Variants in PMPCB observed in about 807,000 individuals in gnomAD.
The protein encoded by PMPCB is peptidase, mitochondrial processing subunit beta, also known as mitochondrial-processing peptidase subunit beta.
PMPCB carries 46 observed loss-of-function variants against 61.5 expected under a neutral mutation model. The ratio of observed to expected loss-of-function variants is 0.75; its 90% CI spans 0.59 to 0.96. PMPCB has a LOEUF of 0.96. Ranked by LOEUF, PMPCB falls within the 40% of genes least tolerant of loss-of-function variation. PMPCB has a pLI of 0.00. For synonymous variants in PMPCB, 191 were observed against 201.6 expected (o/e 0.95, Z 0.44); for missense variants, 590 against 602.4 (o/e 0.98, Z 0.22).
the PMPCB span, chr7:103,344,176 T>A: frequency 4.4e-6 from 1 of 227,778 alleles, no homozygotes; most frequent in African/African-American, 2.3e-5. Context: ...AGAGCGCCAG[T>A]AGCAAAGCTT....
rs948064338 is a variant in PMPCB, at chr7:103,313,005, T to C, written c.*734T>C. The C allele has an allele frequency of 1.4e-5, 23 of 1,613,998 alleles. No individual in the cohort carries two copies. Among genetic ancestry groups the C allele is most frequent in the Non-Finnish European group, 1.9e-5 (22 of 1,179,972 alleles). On this transcript the variant is annotated 3_prime_UTR_variant, in exon 13 of 13. Transcript: ENST00000249269. ...GCCAGGCACCGCTTCTGCTATTTTT[T>C]CCCATCTTTCAGGTGTATTTACTGG...
At chr7:103,302,177 C>T (rs1817469560) in intron 4 of PMPCB, among the ~76,000 whole-genome samples, 2 of 152,160 alleles carry the variant, frequency 1.3e-5, no homozygotes. Flanking sequence ...ATATGTGCCA[C>T]ATTTTCTTAA....
chr7:103,302,568 T>C (rs972919535), intron 4 of PMPCB, among the ~76,000 whole-genome samples: 4 of 152,224 alleles, frequency 2.6e-5, no homozygotes, highest in African/African-American at 9.7e-5. Flanking sequence ...TCTGGACAGA[T>C]GGGTTTTATT....
At chr7:103,329,075 G>A (rs1001157350) in exon 13 of PMPCB, 7 of 999,946 alleles carry the variant, frequency 7.0e-6, no homozygotes, top group Admixed American at 3.6e-5. Flanking sequence ...TGTGATTATC[G>A]CTGGTGGTCA....
At chr7:103,343,951 C>T in the PMPCB span, among the ~76,000 whole-genome samples, 1 of 152,200 alleles carries the variant, frequency 6.6e-6, no homozygotes, top group Non-Finnish European at 1.5e-5. Context: ...GACCTGAAGA[C>T]TCTTAAGTTT....
chr7:103,310,368 CT>C lies in PMPCB; in HGVS notation c.1050del (p.Gln351SerfsTer54). The part of the protein sequence containing the change: ...LTCHGNLCHS[F>X]QSFNTSYTDT... The stretch of plus-strand genomic sequence containing the variant: ...CTTGTCATGGCAATCTTTGCCATAG[CT>C]TTCAGTCTTTCAACACTTCCTACAC... On this transcript the variant is annotated frameshift_variant, in exon 9 of 13. Coordinates refer to ENST00000249269, the MANE Select transcript of PMPCB (RefSeq NM_004279.3). LOFTEE classifies it high-confidence loss of function. The C allele has an allele frequency of 6.2e-7, 1 of 1,613,572 alleles. No homozygotes were observed. Among genetic ancestry groups the C allele is most frequent in the Non-Finnish European group, 8.5e-7 (1 of 1,179,582 alleles).
intron 12 of PMPCB, among the ~76,000 whole-genome samples, chr7:103,321,242 G>A (rs779366266): frequency 4.6e-5 from 7 of 152,032 alleles, no homozygotes; most frequent in Non-Finnish European, 1.0e-4. Flanking sequence ...TTTTGGCTGG[G>A]CACAGGTGGC....
Position 103,312,778 on chromosome 7 carries a change from C to A in PMPCB, c.*507C>A, listed in dbSNP as rs758249796. On this transcript the variant is annotated 3_prime_UTR_variant, in exon 13 of 13. Transcript: ENST00000249269. ...TACTGATTTCATTATCTGCCAGGGC[C>A]TAGAAAGTTTCTAAGGTTGCTCATT... 6.0e-5 allele frequency: 91 copies of A among 1,510,682 alleles called. No individual in the cohort carries two copies. Among genetic ancestry groups the A allele is most frequent in the Non-Finnish European group, 7.6e-5 (87 of 1,138,194 alleles). 93.6% of individuals were successfully genotyped at this position (1,510,682 alleles called of 1,614,324 possible).
In PMPCB at chr7:103,313,371, A is replaced by G. The variant is rs1484579088; in HGVS notation, c.*1100A>G. 8.9e-7 allele frequency: 1 copy of G among 1,124,750 alleles called. No homozygotes were observed. The highest frequency in any genetic ancestry group is 1.1e-6 in the Non-Finnish European group (1 of 921,092). 69.7% of individuals were successfully genotyped at this position (1,124,750 alleles called of 1,614,324 possible). A position where few individuals can be genotyped will look rare whatever the true frequency, so the allele number is the denominator to read the frequency against. On this transcript the variant is annotated 3_prime_UTR_variant, in exon 13 of 13. Coordinates refer to ENST00000249269, the MANE Select transcript of PMPCB (RefSeq NM_004279.3). ...TGTACTGTTTATCTCTTAAAAATCAATGTAATACACTCACCAGACTGGTAA... is the reference window on the plus strand; with the variant it reads ...TGTACTGTTTATCTCTTAAAAATCAGTGTAATACACTCACCAGACTGGTAA...
the PMPCB span, among the ~76,000 whole-genome samples, chr7:103,340,976 T>G: frequency 6.6e-6 from 1 of 152,180 alleles, no homozygotes; most frequent in Admixed American, 6.5e-5. Flanking sequence ...CCACACACTC[T>G]AGCAGGTCAC....
chr7:103,316,770 T>G, downstream of PMPCB: 1 of 1,367,640 alleles, frequency 7.3e-7, no homozygotes, highest in Non-Finnish European at 1.0e-6. Flanking sequence ...ATTTGGAGTC[T>G]GTCTACATTA....
At chr7:103,305,299 T>C (rs1415008335) in intron 6 of PMPCB, among the ~76,000 whole-genome samples, 1 of 152,122 alleles carries the variant, frequency 6.6e-6, no homozygotes, top group Non-Finnish European at 1.5e-5. Context: ...TTCCTTGAGG[T>C]CATGTTTGAA....
the PMPCB span, chr7:103,344,612 A>G: frequency 2.5e-6 from 4 of 1,611,722 alleles, no homozygotes; most frequent in East Asian, 6.7e-5. Context: ...GGCGCTTGGC[A>G]GAAGCAGCAT....
chr7:103,326,507 C>T (rs140631819), intron 12 of PMPCB: 1 of 1,609,478 alleles, frequency 6.2e-7, no homozygotes, highest in Non-Finnish European at 8.5e-7. Context: ...AACAAGCCAA[C>T]AGGGCACTAT....
intron 8 of PMPCB, 78 bp downstream of exon 8, chr7:103,309,173 A>G (rs773003301): frequency 8.2e-7 from 1 of 1,218,306 alleles, no homozygotes; most frequent in East Asian, 2.6e-5. Flanking sequence ...CTTTGTAAGA[A>G]TCCTTTTTTA....
the PMPCB span, among the ~76,000 whole-genome samples, chr7:103,347,168 G>A: frequency 1.3e-5 from 2 of 152,174 alleles, no homozygotes; most frequent in Non-Finnish European, 2.9e-5. Flanking sequence ...TGCAAGGGTT[G>A]GCTGGACCCA....
At chr7:103,298,216 T>C (rs1394572326) in intron 1 of PMPCB, among the ~76,000 whole-genome samples, 1 of 152,182 alleles carries the variant, frequency 6.6e-6, no homozygotes, top group Admixed American at 6.5e-5. Context: ...GTAGGTAGTT[T>C]TACATAGTTT....
In PMPCB at chr7:103,302,920, C is replaced by G. The variant is rs147758042; in HGVS notation, c.458-922C>G. 6.4e-4 allele frequency among the ~76,000 whole-genome samples: 98 copies of G among 152,068 alleles called. 1 individual carries two copies. Among genetic ancestry groups the G allele is most frequent in the African/African-American group, 2.3e-3 (95 of 41,488 alleles). On this transcript the variant is annotated intron_variant, in intron 4 of 12. Transcript: ENST00000249269. ...TTAAGATTGTAAGTTTATTTTATAACATTAATCGTATTAATGAAATTTAGA... is the reference window on the plus strand; with the variant it reads ...TTAAGATTGTAAGTTTATTTTATAAGATTAATCGTATTAATGAAATTTAGA...
chr7:103,315,708 C>T, downstream of PMPCB: 2 of 1,194,892 alleles, frequency 1.7e-6, no homozygotes, highest in Non-Finnish European at 2.5e-6. Context: ...TCTTGTACGT[C>T]CAAGCAGCAC....
Sources: gnomAD v4.1 joint callset for allele counts (sites outside exome capture counted in the v4.1 genomes callset) on GRCh38, gnomAD v4.1.1 for gene constraint, MANE v1.5 for transcripts, NCBI Gene and HGNC (gene_info 2026-07-23, HGNC 2026-07-21) for gene names.